Variants in RWDD1 observed in about 807,000 individuals in gnomAD.
RWDD1 encodes the protein RWD domain-containing protein 1.
A neutral mutation model predicts 31.6 loss-of-function variants in RWDD1; 17 were observed. The ratio of observed to expected loss-of-function variants is 0.54; its 90% confidence interval spans 0.37 to 0.81. The LOEUF (loss-of-function observed/expected upper bound fraction) is 0.81. Among genes scored for constraint, RWDD1 ranks in the 30% least tolerant of loss-of-function variants. The probability of loss-of-function intolerance (pLI) is 0.00; values close to 1 mark genes in which losing one functional copy is unlikely to be tolerated. For synonymous variants in RWDD1, 78 were observed against 94.2 expected, an observed-to-expected ratio of 0.83 and a Z score of 0.99; for missense variants, 204 against 274.5, an observed-to-expected ratio of 0.74 and a Z score of 1.82.
intron 6 of RWDD1, among the ~76,000 whole-genome samples, chr6:116,592,205 A>ATT (rs78324324): frequency 1.3e-5 from 2 of 151,868 alleles, no homozygotes; most frequent in Non-Finnish European, 2.9e-5. Context: ...ACTTTCAGGT[A>ATT]TTTTTTCTCA....
intron 2 of RWDD1, among the ~76,000 whole-genome samples, chr6:116,581,811 C>A (rs746458705): frequency 5.9e-5 from 9 of 152,062 alleles, no homozygotes; most frequent in Non-Finnish European, 8.8e-5. Flanking sequence ...TGTTCATATT[C>A]TTTGATACAA....
At chr6:116,573,527 A>G (rs1415195854) in intron 1 of RWDD1, among the ~76,000 whole-genome samples, 1 of 152,220 alleles carries the variant, frequency 6.6e-6, no homozygotes. Context: ...TTGCCTTCCT[A>G]GTGATCATGT....
Position 116,594,891 on chromosome 6 carries a change from G to C in RWDD1, c.*1790G>C, listed in dbSNP as rs1303237174. The C allele has an allele frequency of 6.6e-6, 1 of 152,228 alleles. No homozygotes were observed. The highest frequency in any genetic ancestry group is 2.4e-5 in the African/African-American group (1 of 41,458). 9.4% of individuals were successfully genotyped at this position (152,228 alleles called of 1,614,324 possible). A position where few individuals can be genotyped will look rare whatever the true frequency, so the allele number is the denominator to read the frequency against. On this transcript the variant is annotated 3_prime_UTR_variant, in exon 7 of 7. Coordinates refer to ENST00000466444, the MANE Select transcript of RWDD1 (RefSeq NM_015952.4). ...AAGCCTTCATTTATTGTTGGAGTTAGACCTTATAATCAAAAAGCAAATTAT... is the reference window on the plus strand; with the variant it reads ...AAGCCTTCATTTATTGTTGGAGTTACACCTTATAATCAAAAAGCAAATTAT...
intron 4 of RWDD1, among the ~76,000 whole-genome samples, chr6:116,589,551 TGAA>T (rs1775102195): frequency 6.6e-6 from 1 of 152,134 alleles, no homozygotes; most frequent in South Asian, 2.1e-4. Flanking sequence ...TATTTTGAAA[TGAA>T]GTGATAAAGC....
intron 6 of RWDD1, among the ~76,000 whole-genome samples, chr6:116,592,046 A>G (rs1270156453): frequency 6.6e-6 from 1 of 152,180 alleles, no homozygotes; most frequent in Non-Finnish European, 1.5e-5. Context: ...GCCATTACCT[A>G]TTCTATAGTC....
Position 116,592,965 on chromosome 6 carries a change from GGTTGCC to G in RWDD1, c.611-14_611-9del. On this transcript the variant is annotated splice_polypyrimidine_tract_variant and intron_variant, in intron 6 of 6. Coordinates refer to ENST00000466444, the MANE Select transcript of RWDD1 (RefSeq NM_015952.4). ...CTAAAGGAGATTTTTTTTTTTTTTT[GGTTGCC>G]TTTTGCAGCTGGAAACAACGTGGAG... The G allele has an allele frequency of 6.8e-7, 1 of 1,479,438 alleles. No homozygotes were observed. The highest frequency in any genetic ancestry group is 8.9e-7 in the Non-Finnish European group (1 of 1,117,718). The allele number at this position is 1,479,438 out of a possible 1,614,324, so 91.6% of individuals were successfully genotyped here. A position where few individuals can be genotyped will look rare whatever the true frequency, so the allele number is the denominator to read the frequency against.
rs1289317195 is a variant in RWDD1 at position 116,596,773 on chromosome 6, A to C, written c.*3672A>C. ...AGCCACTCTTTATCATTAAGGTGAA[A>C]AGTTCATTCAATTAAGGTATTTGAG... On this transcript the variant is annotated 3_prime_UTR_variant, in exon 7 of 7. Coordinates refer to ENST00000466444, the MANE Select transcript of RWDD1 (RefSeq NM_015952.4). 5 of 152,162 alleles carry C rather than the reference A, an allele frequency of 3.3e-5. No homozygotes were observed. The highest frequency in any genetic ancestry group is 7.4e-5 in the Non-Finnish European group (5 of 68,022). 9.4% of individuals were successfully genotyped at this position (152,162 alleles called of 1,614,324 possible).
Position 116,593,077 on chromosome 6 carries a change from C to T in RWDD1, c.708C>T (p.Asp236=). Residue 236 remains aspartate (D), a synonymous_variant, in exon 7 of 7, where the codon GAC becomes GAT. Coordinates refer to ENST00000466444, the MANE Select transcript of RWDD1 (RefSeq NM_015952.4). ...ATGATCCAGACTATAATCCTGCTGA[C>T]CCAGAGAGTGACTCAGCTGACTAAT... ...DEDDPDYNPA[D]PESDSAD 6.2e-7 allele frequency: 1 copy of T among 1,613,606 alleles called. No individual in the cohort carries two copies. Among genetic ancestry groups the T allele is most frequent in the South Asian group, 1.1e-5 (1 of 91,038 alleles).
chr6:116,587,575 G>A (rs778794619), intron 3 of RWDD1, among the ~76,000 whole-genome samples: 1 of 152,104 alleles, frequency 6.6e-6, no homozygotes, highest in Non-Finnish European at 1.5e-5. Flanking sequence ...GGTTTGCGAA[G>A]CTATGAAGGG....
At chr6:116,589,223 A>G (rs914318344) in intron 4 of RWDD1, among the ~76,000 whole-genome samples, 25 of 152,204 alleles carry the variant, frequency 1.6e-4, no homozygotes, top group African/African-American at 5.3e-4. Flanking sequence ...TAAGACCAAG[A>G]AGTATAAAGA....
At chr6:116,591,455 C>T (rs1775143083) in intron 6 of RWDD1, among the ~76,000 whole-genome samples, 1 of 152,196 alleles carries the variant, frequency 6.6e-6, no homozygotes, top group Non-Finnish European at 1.5e-5. Context: ...TATGGACTGT[C>T]ATGGAGCTTG....
intron 1 of RWDD1, among the ~76,000 whole-genome samples, chr6:116,578,071 T>A (rs1473687122): frequency 6.6e-6 from 1 of 152,176 alleles, no homozygotes; most frequent in African/African-American, 2.4e-5. Context: ...GCTGGAAATA[T>A]GTTTTCTTTT....
chr6:116,576,259 T>C (rs1399806740), intron 1 of RWDD1, among the ~76,000 whole-genome samples: 2 of 152,244 alleles, frequency 1.3e-5, no homozygotes, highest in South Asian at 2.1e-4. Context: ...TATGATACTC[T>C]TTACTAGAAA....
chr6:116,589,292 GGAA>G (rs202161191), intron 4 of RWDD1, among the ~76,000 whole-genome samples: 4,603 of 152,118 alleles, frequency 0.03, 96 homozygotes, highest in Middle Eastern at 0.096. Context: ...GAGCCACATT[GGAA>G]GAAGAAGAAT....
At chr6:116,579,558 T>C (rs1489039426) in intron 1 of RWDD1, among the ~76,000 whole-genome samples, 2 of 152,248 alleles carry the variant, frequency 1.3e-5, no homozygotes, top group Non-Finnish European at 2.9e-5. Flanking sequence ...CATAGAGTTG[T>C]TATAGCATTC....
At chr6:116,589,677 G>T (rs369187992) in intron 4 of RWDD1, among the ~76,000 whole-genome samples, 9 of 152,078 alleles carry the variant, frequency 5.9e-5, no homozygotes, top group African/African-American at 1.9e-4. Context: ...AACAAAAAGG[G>T]GTTTAATTGG....
chr6:116,573,046 T>C (rs1396489236), intron 1 of RWDD1: 10 of 949,984 alleles, frequency 1.1e-5, no homozygotes, highest in Non-Finnish European at 1.1e-5. Flanking sequence ...ATGTCTAAAA[T>C]AGAATATAGG....
At chr6:116,579,772 G>A (rs944565538) in intron 1 of RWDD1, among the ~76,000 whole-genome samples, 9 of 152,180 alleles carry the variant, frequency 5.9e-5, no homozygotes, top group Admixed American at 5.9e-4. Context: ...AAGCATATGT[G>A]AAAGAAAGTT....
intron 2 of RWDD1, among the ~76,000 whole-genome samples, chr6:116,581,090 A>G (rs1038803986): frequency 5.3e-5 from 8 of 152,124 alleles, no homozygotes; most frequent in Admixed American, 3.9e-4. Flanking sequence ...TGTCTAGTAT[A>G]CTTGAAAATG....
Sources: allele counts gnomAD v4.1 joint callset (sites outside exome capture counted in the v4.1 genomes callset), GRCh38; gene constraint gnomAD v4.1.1; transcripts MANE v1.5; gene names NCBI Gene and HGNC (gene_info 2026-07-23, HGNC 2026-07-21).